PCDHGA1: variants seen among roughly 807,000 people sequenced by gnomAD.
PCDHGA1 encodes protocadherin gamma-A1.
PCDHGA1 carries 32 observed loss-of-function variants against 58.0 expected under a neutral mutation model. That is an observed-to-expected ratio of 0.55 (90% confidence interval 0.42 to 0.74). The LOEUF is 0.74. PCDHGA1 is among the 30% of genes least tolerant of loss of function. The pLI, the probability that PCDHGA1 is intolerant of heterozygous loss-of-function variation, is 0.00. For synonymous variants in PCDHGA1, 498 were observed against 501.1 expected (o/e 0.99, Z 0.08); for missense variants, 1,205 against 1,182.3 (o/e 1.02, Z -0.28).
intron 1 of PCDHGA1, chr5:141,394,510 C>T (rs371348730): frequency 2.5e-6 from 4 of 1,614,098 alleles, no homozygotes; most frequent in Non-Finnish European, 3.4e-6. Flanking sequence ...CTGTACCCCG[C>T]CCTCCCCACA....
chr5:141,422,809 G>A (rs1169197801), intron 1 of PCDHGA1: 8 of 1,614,232 alleles, frequency 5.0e-6, no homozygotes, highest in Non-Finnish European at 6.8e-6. Context: ...GCAGTTTCGA[G>A]ACTTAGAACT....
chr5:141,345,863 G>C, intron 1 of PCDHGA1: 1 of 1,613,498 alleles, frequency 6.2e-7, no homozygotes, highest in African/African-American at 1.3e-5. Flanking sequence ...GCCTGCTCAA[G>C]GCCAGCGAGC....
chr5:141,392,548 T>C (rs1252345592), intron 1 of PCDHGA1: 1 of 344,860 alleles, frequency 2.9e-6, no homozygotes, highest in African/African-American at 2.1e-5. Context: ...AAGTAATCTG[T>C]ATCTCAGTGC....
chr5:141,392,869 T>G, intron 1 of PCDHGA1: 4 of 1,613,228 alleles, frequency 2.5e-6, no homozygotes, highest in Non-Finnish European at 3.4e-6. Flanking sequence ...CTGTGCGCGC[T>G]GCTGGGAACG....
At chr5:141,427,400 A>T in intron 1 of PCDHGA1, 1 of 461,200 alleles carries the variant, frequency 2.2e-6, no homozygotes, top group Non-Finnish European at 4.3e-6. Context: ...CACATGATAA[A>T]GATTCGAGAG....
intron 1 of PCDHGA1, among the ~76,000 whole-genome samples, chr5:141,387,427 GT>G (rs1416187411): frequency 6.6e-6 from 1 of 152,220 alleles, no homozygotes; most frequent in Non-Finnish European, 1.5e-5. Context: ...GTCAATAAAT[GT>G]TTATGTACTT....
At chr5:141,414,446 T>C in intron 1 of PCDHGA1, 1 of 1,613,864 alleles carries the variant, frequency 6.2e-7, no homozygotes, top group Non-Finnish European at 8.5e-7. Flanking sequence ...TCTTACAATA[T>C]CACAGTGACA....
In PCDHGA1 at chr5:141,332,481, C is replaced by T. The variant is rs749219339; in HGVS notation, c.1797C>T (p.Gly599=). 3.1e-6 allele frequency: 5 copies of T among 1,613,138 alleles called. No homozygotes were observed. The highest frequency in any genetic ancestry group is 4.2e-6 in the Non-Finnish European group (5 of 1,180,034). The change falls in exon 1 of 4, where the codon GGC becomes GGT. Residue 599 remains glycine (G), a synonymous_variant. Transcript: ENST00000517417. This position sits in a 1 kb window ranked among gnomAD's most constrained non-coding sequence, Gnocchi z 4.6. ...TKVVAVDRDS[G]QNAWLSYRLL... ...TGGTGGCGGTGGACAGAGACTCGGG[C>T]CAGAACGCCTGGCTGTCCTACCGCC...
chr5:141,415,740 G>GTTTTTTTTTTTTTTTT (rs57426385), intron 1 of PCDHGA1: 34 of 625,042 alleles, frequency 5.4e-5, no homozygotes, highest in African/African-American at 2.0e-4. Flanking sequence ...GTTTATTAAG[G>GTTTTTTTTTTTTTTTT]TTTTTTTTTT....
At chr5:141,417,882 G>A (rs1170069976) in intron 1 of PCDHGA1, 8 of 1,560,746 alleles carry the variant, frequency 5.1e-6, no homozygotes, top group African/African-American at 1.4e-5. Flanking sequence ...TGCGCGCAGA[G>A]GCGCCGGGCC....
chr5:141,374,863 A>C (rs1588752717), intron 1 of PCDHGA1: 1 of 1,613,784 alleles, frequency 6.2e-7, no homozygotes, highest in Non-Finnish European at 8.5e-7. Context: ...TAGGCACACC[A>C]GTGTTGGCAG....
chr5:141,405,835 A>C (rs2094724459), intron 1 of PCDHGA1, among the ~76,000 whole-genome samples: 1 of 152,178 alleles, frequency 6.6e-6, no homozygotes, highest in African/African-American at 2.4e-5. Flanking sequence ...AGGTAGTATA[A>C]GTTGATATCA....
intron 1 of PCDHGA1, among the ~76,000 whole-genome samples, chr5:141,454,266 C>T (rs2098785508): frequency 1.3e-5 from 2 of 152,132 alleles, no homozygotes; most frequent in African/African-American, 4.8e-5. Flanking sequence ...AAAGTAATGC[C>T]AGCAAAAACT....
chr5:141,487,748 T>A lies in PCDHGA1; in HGVS notation c.2422-7059T>A, dbSNP rs1458153935. ...TGTCACCATTTTTGTAAGAGGTAACTATGTGGTAGACGCTGTGCTTTGTAA... is the reference window on the plus strand; with the variant it reads ...TGTCACCATTTTTGTAAGAGGTAACAATGTGGTAGACGCTGTGCTTTGTAA... On this transcript the variant is annotated intron_variant, in intron 1 of 3. Transcript: ENST00000517417. This position sits in a 1 kb window ranked among gnomAD's most constrained non-coding sequence, Gnocchi z 5.0. 6.4e-7 allele frequency: 1 copy of A among 1,557,554 alleles called. No homozygotes were observed. The highest frequency in any genetic ancestry group is 1.2e-5 in the South Asian group (1 of 84,814).
chr5:141,333,201 A>G, intron 1 of PCDHGA1, 96 bp downstream of exon 1: 1 of 1,553,336 alleles, frequency 6.4e-7, no homozygotes, highest in African/African-American at 1.4e-5. Flanking sequence ...AGTTCTTCTA[A>G]CCCATGTATC....
intron 1 of PCDHGA1, chr5:141,399,809 C>A (rs547922730): frequency 1.2e-6 from 2 of 1,613,222 alleles, no homozygotes; most frequent in Admixed American, 1.7e-5. Flanking sequence ...GTGCTGTACC[C>A]CGCGCTGGGT....
Position 141,486,429 on chromosome 5 carries a change from C to G in PCDHGA1, c.2422-8378C>G, listed in dbSNP as rs2099629385. On this transcript the variant is annotated intron_variant, in intron 1 of 3. Transcript: ENST00000517417. The surrounding 1 kb of genome is among the most constrained non-coding windows in gnomAD (Gnocchi z 5.0). ...GGACCCTTGGATCGAGAGGCCAAAT[C>G]TAGCTATGACATCATGGTCACTGCT... 1.1e-5 allele frequency: 17 copies of G among 1,614,192 alleles called. No homozygotes were observed. Among genetic ancestry groups the G allele is most frequent in the Non-Finnish European group, 1.4e-5 (17 of 1,180,008 alleles).
At chr5:141,362,759 A>G in intron 1 of PCDHGA1, 3 of 647,296 alleles carry the variant, frequency 4.6e-6, no homozygotes, top group Non-Finnish European at 7.8e-6. Flanking sequence ...AACCTTTATC[A>G]CATGAGATAT....
At chr5:141,426,844 A>C (rs1397752566) in intron 1 of PCDHGA1, 1 of 456,628 alleles carries the variant, frequency 2.2e-6, no homozygotes, top group Non-Finnish European at 4.4e-6. Context: ...ACTAAAGGCA[A>C]GAACGCTCCA....
Sources: allele counts gnomAD v4.1 joint callset (sites outside exome capture counted in the v4.1 genomes callset), GRCh38; gene constraint gnomAD v4.1.1; non-coding constraint Gnocchi (gnomAD v3.1); transcripts MANE v1.5; gene names NCBI Gene and HGNC (gene_info 2026-07-23, HGNC 2026-07-21).